Variants in MDGA2 observed in about 807,000 individuals in gnomAD.
MDGA2 encodes MAM domain-containing glycosylphosphatidylinositol anchor protein 2.
A neutral mutation model predicts 117.8 loss-of-function variants in MDGA2; 40 were observed. The observed-to-expected ratio is 0.34, with a 90% CI of 0.26 to 0.44. The LOEUF (loss-of-function observed/expected upper bound fraction) is 0.44. Ranked by LOEUF, MDGA2 falls within the 20% of genes least tolerant of loss-of-function variation. MDGA2 has a pLI of 1.00. For synonymous variants in MDGA2, 452 were observed against 439.0 expected, an observed-to-expected ratio of 1.03 and a Z score of -0.37; for missense variants, 1,123 against 1,250.6, an observed-to-expected ratio of 0.90 and a Z score of 1.54.
intron 1 of MDGA2, among the ~76,000 whole-genome samples, chr14:47,549,611 T>C (rs1895540949): frequency 6.6e-6 from 1 of 152,196 alleles, no homozygotes. Context: ...AATTCATAGG[T>C]TGGACCCCTA....
chr14:47,348,403 G>T (rs1238391205), intron 1 of MDGA2, among the ~76,000 whole-genome samples: 1 of 151,892 alleles, frequency 6.6e-6, no homozygotes. Flanking sequence ...GTAGAGATGG[G>T]ATTTCACCAT....
intron 1 of MDGA2, among the ~76,000 whole-genome samples, chr14:47,446,315 C>T (rs1893121033): frequency 6.6e-6 from 1 of 152,074 alleles, no homozygotes; most frequent in South Asian, 2.1e-4. Flanking sequence ...GAAGATTATA[C>T]AAGAAATCTG....
intron 1 of MDGA2, among the ~76,000 whole-genome samples, chr14:47,347,756 A>G (rs2138340073): frequency 6.6e-6 from 1 of 152,346 alleles, no homozygotes; most frequent in East Asian, 1.9e-4. Flanking sequence ...AAGTGTAGGA[A>G]GCAGCAGAAG....
chr14:47,249,908 T>TA (rs2139637599), intron 2 of MDGA2, among the ~76,000 whole-genome samples: 1 of 152,348 alleles, frequency 6.6e-6, no homozygotes, highest in Admixed American at 6.5e-5. Context: ...AATACATCTG[T>TA]AACCTGTCAC....
rs11622226 is a variant in MDGA2 at position 47,612,716 on chromosome 14, A to G, written c.280+61801T>C. ...TATCTATACTTTGTTTTTTTCCCAC[A>G]AGAGGTGCTAAAATAGCATTTCTAT... is the stretch of plus-strand genomic sequence containing the variant. On this transcript the variant is annotated intron_variant, in intron 1 of 16. Transcript: ENST00000399232. 6.0e-3 allele frequency among the ~76,000 whole-genome samples: 911 copies of G among 152,232 alleles called. 6 individuals are homozygous for G. Among genetic ancestry groups the G allele is most frequent in the Non-Finnish European group, 9.3e-3 (630 of 68,006 alleles).
At chr14:46,936,006 C>T (rs1448080175) in intron 9 of MDGA2, among the ~76,000 whole-genome samples, 1 of 91,162 alleles carries the variant, frequency 1.1e-5, no homozygotes, top group East Asian at 2.3e-4. Flanking sequence ...CATAATAATA[C>T]TAAATAAATA....
intron 7 of MDGA2, among the ~76,000 whole-genome samples, chr14:47,050,649 G>C (rs1200202193): frequency 6.6e-6 from 1 of 151,956 alleles, no homozygotes; most frequent in East Asian, 1.9e-4. Context: ...CACTCCAGTT[G>C]CAGTTAGATA....
chr14:47,142,538 T>C (rs1882767196), intron 4 of MDGA2, among the ~76,000 whole-genome samples: 1 of 152,212 alleles, frequency 6.6e-6, no homozygotes, highest in South Asian at 2.1e-4. Context: ...ATAAATGTTA[T>C]CATGTTTTAC....
At chr14:47,154,802 AAGAGGCAGAT>A (rs1221216630) in intron 3 of MDGA2, among the ~76,000 whole-genome samples, 1 of 152,154 alleles carries the variant, frequency 6.6e-6, no homozygotes, top group Non-Finnish European at 1.5e-5. Context: ...GGGCGCCATG[AAGAGGCAGAT>A]AGGCGGCTGG....
intron 7 of MDGA2, among the ~76,000 whole-genome samples, chr14:47,049,523 T>G (rs1342929038): frequency 6.6e-6 from 1 of 152,056 alleles, no homozygotes; most frequent in Non-Finnish European, 1.5e-5. Context: ...TTTAATTGTT[T>G]TTTCTTCTGA....
At chr14:47,634,218 A>G (rs182107214) in intron 1 of MDGA2, among the ~76,000 whole-genome samples, 1 of 152,164 alleles carries the variant, frequency 6.6e-6, no homozygotes, top group Non-Finnish European at 1.5e-5. Context: ...ACTAAAATCT[A>G]TCTAGATTCA....
At chr14:46,842,510 C>T (rs768475250) in intron 16 of MDGA2, among the ~76,000 whole-genome samples, 5 of 151,982 alleles carry the variant, frequency 3.3e-5, no homozygotes, top group African/African-American at 4.8e-5. Context: ...ATGTTTAGAT[C>T]GGTCCATTAT....
intron 1 of MDGA2, among the ~76,000 whole-genome samples, chr14:47,618,363 G>C (rs763668562): frequency 6.6e-6 from 1 of 152,090 alleles, no homozygotes; most frequent in Non-Finnish European, 1.5e-5. Context: ...CTGTTTATCT[G>C]TTCCTTTTGC....
At chr14:46,945,300 G>C (rs1445670571) in intron 9 of MDGA2, among the ~76,000 whole-genome samples, 1 of 152,016 alleles carries the variant, frequency 6.6e-6, no homozygotes, top group Non-Finnish European at 1.5e-5. Context: ...TCTTTGTTAA[G>C]GAGTACCTAG....
chr14:47,463,007 C>A (rs959522960), intron 1 of MDGA2, among the ~76,000 whole-genome samples: 33 of 151,934 alleles, frequency 2.2e-4, no homozygotes, highest in African/African-American at 6.0e-4. Context: ...GAAAAGAAAT[C>A]TTTGTGTGTG....
intron 8 of MDGA2, among the ~76,000 whole-genome samples, chr14:46,988,080 G>A (rs372136578): frequency 1.8e-4 from 28 of 151,986 alleles, no homozygotes; most frequent in African/African-American, 5.5e-4. Context: ...GTAGTAAAGA[G>A]TGGAGAACAT....
intron 7 of MDGA2, among the ~76,000 whole-genome samples, chr14:47,054,858 T>C (rs960315935): frequency 2.6e-5 from 4 of 151,874 alleles, no homozygotes; most frequent in African/African-American, 4.8e-5. Flanking sequence ...TAATTCAAGA[T>C]GGATTAAAGA....
At chr14:47,450,737 C>G (rs1950388) in intron 1 of MDGA2, among the ~76,000 whole-genome samples, 103,042 of 151,716 alleles carry the variant, frequency 0.68, 35,481 homozygotes, top group African/African-American at 0.79. Flanking sequence ...AATAAGGACT[C>G]CTTATTTTCA....
At chr14:47,027,120 T>C (rs1253994928) in intron 8 of MDGA2, among the ~76,000 whole-genome samples, 1 of 151,828 alleles carries the variant, frequency 6.6e-6, no homozygotes, top group Non-Finnish European at 1.5e-5. Context: ...GCTATGATTG[T>C]GCTACTGCAG....
Sources: gnomAD v4.1 joint callset for allele counts (sites outside exome capture counted in the v4.1 genomes callset) on GRCh38, gnomAD v4.1.1 for gene constraint, MANE v1.5 for transcripts, NCBI Gene and HGNC (gene_info 2026-07-23, HGNC 2026-07-21) for gene names.